The following NT5C1A variants were observed in gnomAD, a reference collection of about 807,000 sequenced individuals.
NT5C1A encodes 5'-nucleotidase, cytosolic IA, also known as cytosolic 5'-nucleotidase 1A.
Under a neutral mutation model 31.0 loss-of-function variants are expected in NT5C1A, and 18 were observed. The ratio of observed to expected loss-of-function variants is 0.58; its 90% CI spans 0.40 to 0.86. The LOEUF is 0.86. Ranked by LOEUF, NT5C1A falls within the 40% of genes least tolerant of loss-of-function variation. NT5C1A has a pLI of 0.00. For synonymous variants in NT5C1A, 185 were observed against 203.6 expected, an observed-to-expected ratio of 0.91 and a Z score of 0.78; for missense variants, 470 against 505.4, an observed-to-expected ratio of 0.93 and a Z score of 0.67.
intron 3 of NT5C1A, among the ~76,000 whole-genome samples, chr1:39,664,901 G>A (rs1168486245): frequency 6.6e-6 from 1 of 152,034 alleles, no homozygotes; most frequent in Non-Finnish European, 1.5e-5. Flanking sequence ...AAAGGTTCAT[G>A]TGGCCTGAAG....
rs1416552561 is a variant in NT5C1A at position 39,663,417 on chromosome 1, A to G, written c.451T>C (p.Phe151Leu). The change falls in exon 4 of 6, where the codon TTC becomes CTC. Residue 151 changes from phenylalanine to leucine, a missense_variant. Physicochemically the swap from Phe to Leu is conservative, Grantham distance 22. Coordinates refer to ENST00000235628, the MANE Select transcript of NT5C1A (RefSeq NM_032526.3). Reference protein sequence around the residue: ...INHYDLFIERFCMTGGNSPIC... With the variant: ...INHYDLFIERLCMTGGNSPIC... The stretch of plus-strand genomic sequence containing the variant: ...GGGCTGTTCCCACCTGTCATGCAGA[A>G]CCTCTCGATGAACAGGTCTGGGAAG... The G allele has an allele frequency of 2.5e-6, 4 of 1,613,844 alleles. No homozygotes were observed. Among genetic ancestry groups the G allele is most frequent in the Non-Finnish European group, 3.4e-6 (4 of 1,179,978 alleles).
Position 39,663,342 on chromosome 1 carries a change from C to A in NT5C1A, c.526G>T (p.Ala176Ser), listed in dbSNP as rs1158420397. The A allele has an allele frequency of 1.2e-6, 2 of 1,614,046 alleles. No individual in the cohort carries two copies. The highest frequency in any genetic ancestry group is 4.5e-5 in the East Asian group (2 of 44,898). ...TCAATGGCTTCTCGCACTTTTTCCGCATCGGCTGACAAGTAGAGGTTGGTG... is the reference window on the plus strand; with the variant it reads ...TCAATGGCTTCTCGCACTTTTTCCGAATCGGCTGACAAGTAGAGGTTGGTG... ...YHTNLYLSAD[A>S]EKVREAIDEG... Residue 176 changes from alanine to serine, a missense_variant, in exon 4 of 6, where the codon GCG becomes TCG. Physicochemically the swap from Ala to Ser is moderately conservative, Grantham distance 99 (BLOSUM62 1). Coordinates refer to ENST00000235628, the MANE Select transcript of NT5C1A (RefSeq NM_032526.3).
Position 39,656,351 on chromosome 1 carries a change from G to A in NT5C1A, c.*2770C>T, listed in dbSNP as rs12565281. ...TCCTCACCTCTAAGACAATCAGAAGGCCCGTGTAACTGCTGCCTAAGACTG... is the reference window on the plus strand; with the variant it reads ...TCCTCACCTCTAAGACAATCAGAAGACCCGTGTAACTGCTGCCTAAGACTG... On this transcript the variant is annotated 3_prime_UTR_variant, in exon 6 of 6. Transcript: ENST00000235628. 8.2e-4 allele frequency among the ~76,000 whole-genome samples: 125 copies of A among 152,302 alleles called. 1 individual carries two copies. The East Asian group carries it at 0.02, about 24-fold the overall frequency.
rs1459400435 is a variant in NT5C1A at position 39,658,576 on chromosome 1, C to T, written c.*545G>A. Among the ~76,000 whole-genome samples, 1 of 152,154 alleles carries T rather than the reference C, an allele frequency of 6.6e-6. No homozygotes were observed. The highest frequency in any genetic ancestry group is 6.5e-5 in the Admixed American group (1 of 15,276). On this transcript the variant is annotated 3_prime_UTR_variant, in exon 6 of 6. Transcript: ENST00000235628. ...ATTTGCACAAAGGTGCCATACATAC[C>T]AGCAGCAGCACTGACACAGAATGCT...
intron 1 of NT5C1A, among the ~76,000 whole-genome samples, chr1:39,670,676 G>A (rs918327199): frequency 6.6e-6 from 1 of 152,276 alleles, no homozygotes; most frequent in East Asian, 1.9e-4. Context: ...CATCCCTCCA[G>A]CTCTTCTTCC....
At chr1:39,660,261 G>A (rs1020956045) in intron 5 of NT5C1A, among the ~76,000 whole-genome samples, 11 of 152,148 alleles carry the variant, frequency 7.2e-5, no homozygotes, top group Non-Finnish European at 1.5e-5. Context: ...GAATATTTAG[G>A]AGCCACAGCG....
rs553288853 is a variant in NT5C1A, at chr1:39,656,760, C to T, written c.*2361G>A. Among the ~76,000 whole-genome samples the T allele has an allele frequency of 5.3e-5, 8 of 152,364 alleles. No individual in the cohort carries two copies. The East Asian group carries it at 7.7e-4, about 15-fold the overall frequency. On this transcript the variant is annotated 3_prime_UTR_variant, in exon 6 of 6. Transcript: ENST00000235628. ...CCATGCTGTGAGCCTGGGCTGTGCC[C>T]GGCCTTGTAGGCTTCTTGCAGTCAC...
intron 1 of NT5C1A, among the ~76,000 whole-genome samples, chr1:39,667,592 C>T (rs562291394): frequency 3.3e-5 from 5 of 152,308 alleles, no homozygotes; most frequent in African/African-American, 9.6e-5. Flanking sequence ...AACCCCATTT[C>T]TTCTTCCTGG....
rs535589297 is a variant in NT5C1A at position 39,653,856 on chromosome 1, GCATC to G, written c.*5261_*5264del. On this transcript the variant is annotated 3_prime_UTR_variant, in exon 6 of 6. Transcript: ENST00000235628. Reference sequence around the variant, plus strand: ...GTGAGGCTCTGACATCCTCAGAGTTGCATCATATCCTCAGAGGATGAACATTCTG... The same window carrying G: ...GTGAGGCTCTGACATCCTCAGAGTTGATATCCTCAGAGGATGAACATTCTG... Among the ~76,000 whole-genome samples, 215 of 152,348 alleles carry G rather than the reference GCATC, an allele frequency of 1.4e-3. 1 individual carries two copies. The highest frequency in any genetic ancestry group is 5.0e-3 in the African/African-American group (208 of 41,574).
intron 3 of NT5C1A, among the ~76,000 whole-genome samples, chr1:39,664,704 G>T (rs1241520180): frequency 6.7e-6 from 1 of 150,280 alleles, no homozygotes. Context: ...TGTTAGGCTG[G>T]TTTTGAACTC....
At chr1:39,664,700 G>T (rs914552246) in intron 3 of NT5C1A, among the ~76,000 whole-genome samples, 1 of 150,064 alleles carries the variant, frequency 6.7e-6, no homozygotes, top group Non-Finnish European at 1.5e-5. Flanking sequence ...ACCATGTTAG[G>T]CTGGTTTTGA....
At chr1:39,663,926 C>T (rs1646504663) in intron 3 of NT5C1A, among the ~76,000 whole-genome samples, 2 of 152,176 alleles carry the variant, frequency 1.3e-5, no homozygotes, top group African/African-American at 2.4e-5. Flanking sequence ...CAACACAAGG[C>T]GGTAATGCCT....
Position 39,667,196 on chromosome 1 carries a change from C to CT in NT5C1A, c.136-961dup, listed in dbSNP as rs5773668. Among the ~76,000 whole-genome samples the CT allele has an allele frequency of 3.5e-3, 369 of 105,112 alleles. 2 individuals are homozygous for CT. Among genetic ancestry groups the CT allele is most frequent in the Middle Eastern group, 5.5e-3 (1 of 182 alleles). The allele number at this position is 105,112 out of a possible 152,430, so 69.0% of individuals were successfully genotyped here. A position where few individuals can be genotyped will look rare whatever the true frequency, so the allele number is the denominator to read the frequency against. Reference sequence around the variant, plus strand: ...TCACATCAGGTCATACTTTCCCCCTCTTTTTTTTTTTTTTTTTTTTCTGAG... The same window carrying CT: ...TCACATCAGGTCATACTTTCCCCCTCTTTTTTTTTTTTTTTTTTTTTCTGAG... On this transcript the variant is annotated intron_variant, in intron 1 of 5. Coordinates refer to ENST00000235628, the MANE Select transcript of NT5C1A (RefSeq NM_032526.3).
Position 39,657,060 on chromosome 1 carries a change from G to T in NT5C1A, c.*2061C>A, listed in dbSNP as rs1025141779. Among the ~76,000 whole-genome samples, 1 of 152,170 alleles carries T rather than the reference G, an allele frequency of 6.6e-6. No homozygotes were observed. The highest frequency in any genetic ancestry group is 1.5e-5 in the Non-Finnish European group (1 of 68,032). On this transcript the variant is annotated 3_prime_UTR_variant, in exon 6 of 6. Coordinates refer to ENST00000235628, the MANE Select transcript of NT5C1A (RefSeq NM_032526.3). ...CTGGCTGTGCAGTGGAAATGACCTC[G>T]TGCAAAGACATTATCATATGCCCTT... is the stretch of plus-strand genomic sequence containing the variant.
At position 39,651,861 on chromosome 1, in the gene NT5C1A, C is replaced by T. The variant is rs1646434239; in HGVS notation, c.*7260G>A. Among the ~76,000 whole-genome samples, 1 of 151,498 alleles carries T rather than the reference C, an allele frequency of 6.6e-6. No individual in the cohort carries two copies. The highest frequency in any genetic ancestry group is 2.4e-5 in the African/African-American group (1 of 41,266). ...CCTGGCCAATATGGTGAAACCCCATCTCTACTAAAAATACAAAAAATTAGC... is the reference window on the plus strand; with the variant it reads ...CCTGGCCAATATGGTGAAACCCCATTTCTACTAAAAATACAAAAAATTAGC... On this transcript the variant is annotated 3_prime_UTR_variant, in exon 6 of 6. Transcript: ENST00000235628.
In NT5C1A at chr1:39,655,478, A is replaced by G. The variant is rs893481299; in HGVS notation, c.*3643T>C. Among the ~76,000 whole-genome samples the G allele has an allele frequency of 1.3e-5, 2 of 152,218 alleles. No individual in the cohort carries two copies. Among genetic ancestry groups the G allele is most frequent in the Admixed American group, 1.3e-4 (2 of 15,280 alleles). On this transcript the variant is annotated 3_prime_UTR_variant, in exon 6 of 6. Coordinates refer to ENST00000235628, the MANE Select transcript of NT5C1A (RefSeq NM_032526.3). ...CTCAAATGTATTCCAGCATTTCACC[A>G]TGCAGGAAATCAACATATTAACTGT...
rs1646473180 is a variant in NT5C1A, at chr1:39,658,224, G to A, written c.*897C>T. Among the ~76,000 whole-genome samples the A allele has an allele frequency of 6.6e-6, 1 of 152,204 alleles. No homozygotes were observed. Among genetic ancestry groups the A allele is most frequent in the Non-Finnish European group, 1.5e-5 (1 of 68,036 alleles). ...GAAGAGCCTGCAGTGCCCCCTGCTG[G>A]CTGGAGGAGAGTTTGTATGCGTGTC... is the stretch of plus-strand genomic sequence containing the variant. On this transcript the variant is annotated 3_prime_UTR_variant, in exon 6 of 6. Transcript: ENST00000235628.
At chr1:39,671,129 G>A (rs1383727370) in intron 1 of NT5C1A, among the ~76,000 whole-genome samples, 2 of 152,194 alleles carry the variant, frequency 1.3e-5, no homozygotes, top group East Asian at 3.8e-4. Flanking sequence ...TTCTCCTCAA[G>A]CTCTGAGATC....
intron 3 of NT5C1A, among the ~76,000 whole-genome samples, chr1:39,664,585 C>T (rs1646511806): frequency 7.4e-6 from 1 of 134,248 alleles, no homozygotes; most frequent in South Asian, 2.7e-4. Flanking sequence ...CTCTGCCTCC[C>T]GGGTTCAAGT....
Sources: allele counts gnomAD v4.1 joint callset (sites outside exome capture counted in the v4.1 genomes callset), GRCh38; gene constraint gnomAD v4.1.1; transcripts MANE v1.5; gene names NCBI Gene and HGNC (gene_info 2026-07-23, HGNC 2026-07-21).